Variants in GRIK4 observed in about 807,000 individuals in gnomAD.
The protein encoded by GRIK4 is glutamate ionotropic receptor kainate type subunit 4.
GRIK4 carries 40 observed loss-of-function variants against 104.9 expected under a neutral mutation model. That is an observed-to-expected ratio of 0.38 (90% CI 0.30 to 0.50). GRIK4 has a LOEUF of 0.50. GRIK4 is among the 20% of genes least tolerant of loss of function. The pLI, the probability that GRIK4 is intolerant of heterozygous loss-of-function variation, is 0.93. For synonymous variants in GRIK4, 485 were observed against 524.9 expected, an observed-to-expected ratio of 0.92 and a Z score of 1.04; for missense variants, 1,047 against 1,308.1, an observed-to-expected ratio of 0.80 and a Z score of 3.08.
chr11:120,833,513 G>A (rs1463291917), intron 7 of GRIK4, among the ~76,000 whole-genome samples: 2 of 152,162 alleles, frequency 1.3e-5, no homozygotes, highest in Admixed American at 6.5e-5. Context: ...CCTTGTGGAA[G>A]GTAGCTCAGA....
At chr11:120,807,208 A>G (rs1453242246) in intron 4 of GRIK4, among the ~76,000 whole-genome samples, 3 of 152,004 alleles carry the variant, frequency 2.0e-5, no homozygotes, top group South Asian at 4.2e-4. Context: ...TTCTGCAGGG[A>G]GCTACCACAA....
chr11:120,889,588 C>CTTTTTTTTTTTTTTTTTTTTTTTTTTTTT (rs776440015), intron 11 of GRIK4, among the ~76,000 whole-genome samples: 2 of 67,148 alleles, frequency 3.0e-5, no homozygotes, highest in African/African-American at 5.3e-5. Context: ...AAAGAGCTTA[C>CTTTTTTTTTTTTTTTTTTTTTTTTTTTTT]ATTTTTTTTT....
chr11:120,567,307 G>C (rs1948343011), intron 1 of GRIK4, among the ~76,000 whole-genome samples: 1 of 152,048 alleles, frequency 6.6e-6, no homozygotes, highest in Non-Finnish European at 1.5e-5. Context: ...ATGCAGGGGT[G>C]TGCCACTACG....
intron 17 of GRIK4, among the ~76,000 whole-genome samples, chr11:120,962,173 G>T: frequency 6.6e-6 from 1 of 152,154 alleles, no homozygotes; most frequent in South Asian, 2.1e-4. Flanking sequence ...AGCTCTTGAG[G>T]GTAGATGAGG....
intron 3 of GRIK4, among the ~76,000 whole-genome samples, chr11:120,741,275 CTTTTTT>C (rs762543001): frequency 3.7e-5 from 4 of 106,920 alleles, no homozygotes; most frequent in Non-Finnish European, 5.7e-5. Context: ...CGTGTGCTTT[CTTTTTT>C]TTTTTTTTTT....
At chr11:120,557,604 C>T (rs778973444) in intron 1 of GRIK4, among the ~76,000 whole-genome samples, 1 of 152,190 alleles carries the variant, frequency 6.6e-6, no homozygotes, top group African/African-American at 2.4e-5. Flanking sequence ...CCCTGAAATA[C>T]CAGCCAGGCT....
intron 1 of GRIK4, among the ~76,000 whole-genome samples, chr11:120,644,059 G>GAGGA (rs796173721): frequency 7.4e-5 from 9 of 121,034 alleles, no homozygotes; most frequent in African/African-American, 2.5e-4. Context: ...GAGAGAGAGA[G>GAGGA]GAGAGAGAGA....
At chr11:120,927,595 A>G (rs2134593547) in intron 13 of GRIK4, among the ~76,000 whole-genome samples, 1 of 151,530 alleles carries the variant, frequency 6.6e-6, no homozygotes, top group East Asian at 1.9e-4. Flanking sequence ...AAAAAGAAAG[A>G]AAGAAAGAAA....
At chr11:120,813,214 G>A (rs1952864715) in intron 4 of GRIK4, among the ~76,000 whole-genome samples, 1 of 152,114 alleles carries the variant, frequency 6.6e-6, no homozygotes, top group Admixed American at 6.5e-5. Flanking sequence ...CCTGGATGCG[G>A]GTCAGGAGAC....
intron 13 of GRIK4, among the ~76,000 whole-genome samples, chr11:120,921,309 T>C (rs1943222665): frequency 6.6e-6 from 1 of 152,170 alleles, no homozygotes; most frequent in Non-Finnish European, 1.5e-5. Context: ...TTGGCAGCAT[T>C]CAGAACAGGC....
At chr11:120,639,522 G>A (rs564495306) in intron 1 of GRIK4, among the ~76,000 whole-genome samples, 14 of 152,238 alleles carry the variant, frequency 9.2e-5, no homozygotes, top group South Asian at 2.1e-4. Context: ...TCTCCTCTTG[G>A]GGTCGGCCCC....
intron 13 of GRIK4, among the ~76,000 whole-genome samples, chr11:120,928,389 TA>T (rs1943401658): frequency 6.6e-6 from 1 of 152,058 alleles, no homozygotes; most frequent in Non-Finnish European, 1.5e-5. Flanking sequence ...TCTTAAGAAG[TA>T]TACATTATTT....
chr11:120,894,462 C>T (rs1942512964), intron 11 of GRIK4: 1 of 152,206 alleles, frequency 6.6e-6, no homozygotes, highest in Admixed American at 6.5e-5. Context: ...CACATCAGCC[C>T]AGAGGGGTGC....
chr11:120,842,036 A>G (rs1953730939), intron 8 of GRIK4, among the ~76,000 whole-genome samples: 1 of 152,240 alleles, frequency 6.6e-6, no homozygotes, highest in Admixed American at 6.5e-5. Context: ...CTCTGTCCTC[A>G]TATGTAAAAT....
chr11:120,627,499 G>C (rs549026996), intron 1 of GRIK4, among the ~76,000 whole-genome samples: 1 of 152,308 alleles, frequency 6.6e-6, no homozygotes, highest in East Asian at 1.9e-4. Context: ...TTCCAGTTCT[G>C]ATATTTCCCT....
intron 3 of GRIK4, among the ~76,000 whole-genome samples, chr11:120,703,287 G>C (rs932578849): frequency 6.6e-6 from 1 of 152,144 alleles, no homozygotes. Context: ...ATTTAAACCT[G>C]GGTGTTCTGA....
intron 6 of GRIK4, among the ~76,000 whole-genome samples, chr11:120,826,563 G>A (rs1476381376): frequency 6.6e-6 from 1 of 152,220 alleles, no homozygotes; most frequent in African/African-American, 2.4e-5. Context: ...CCCAGTAGCT[G>A]AGGCCCAAGC....
At chr11:120,566,740 T>G (rs1314317816) in intron 1 of GRIK4, among the ~76,000 whole-genome samples, 1 of 150,600 alleles carries the variant, frequency 6.6e-6, no homozygotes, top group Non-Finnish European at 1.5e-5. Flanking sequence ...CGTCTCACTC[T>G]GTTGCCAGGC....
chr11:120,560,498 G>A (rs1256944568), intron 1 of GRIK4, among the ~76,000 whole-genome samples: 2 of 152,264 alleles, frequency 1.3e-5, no homozygotes, highest in East Asian at 1.9e-4. Flanking sequence ...AGTGATATAC[G>A]GAAGTAAACT....
Sources: gnomAD v4.1 joint callset for allele counts (sites outside exome capture counted in the v4.1 genomes callset) on GRCh38, gnomAD v4.1.1 for gene constraint, MANE v1.5 for transcripts, NCBI Gene and HGNC (gene_info 2026-07-23, HGNC 2026-07-21) for gene names.